The following TYW1B variants were observed in gnomAD, a reference collection of about 807,000 sequenced individuals.
TYW1B encodes S-adenosyl-L-methionine-dependent tRNA 4-demethylwyosine synthase TYW1B.
TYW1B carries 73 observed loss-of-function variants against 86.9 expected under a neutral mutation model. That is an observed-to-expected ratio of 0.84 (90% confidence interval 0.70 to 1.02). The LOEUF is 1.02. Ranked by LOEUF, TYW1B falls within the 50% of genes least tolerant of loss-of-function variation. The pLI is 0.00. For missense variants in TYW1B, 637 were observed against 827.4 expected (o/e 0.77, Z 2.82); for synonymous variants, 248 against 292.8 (o/e 0.85, Z 1.56).
chr7:72,686,805 T>C (rs1259419751), intron 11 of TYW1B, among the ~76,000 whole-genome samples: 3 of 152,092 alleles, frequency 2.0e-5, no homozygotes, highest in Non-Finnish European at 4.4e-5. Flanking sequence ...ATGCATGGAA[T>C]AGGGGGGATA....
At chr7:72,810,916 C>T (rs1788598732) in intron 3 of TYW1B, among the ~76,000 whole-genome samples, 1 of 152,008 alleles carries the variant, frequency 6.6e-6, no homozygotes, top group South Asian at 2.1e-4. Flanking sequence ...ATTCCATTAT[C>T]CAGACTATAC....
At chr7:72,649,760 G>T (rs1481345451) in intron 11 of TYW1B, among the ~76,000 whole-genome samples, 1 of 152,178 alleles carries the variant, frequency 6.6e-6, no homozygotes, top group African/African-American at 2.4e-5. Context: ...AAGCCCTAGA[G>T]CAGGTCTATT....
At chr7:72,727,002 A>C (rs1172288485) in intron 9 of TYW1B, among the ~76,000 whole-genome samples, 1 of 152,174 alleles carries the variant, frequency 6.6e-6, no homozygotes, top group Non-Finnish European at 1.5e-5. Flanking sequence ...CACTATCACG[A>C]GAACACCATG....
At chr7:72,606,614 C>A (rs1378144897) in intron 13 of TYW1B, among the ~76,000 whole-genome samples, 8 of 61,860 alleles carry the variant, frequency 1.3e-4, no homozygotes, top group Non-Finnish European at 2.1e-4. Context: ...AAGGCCCCCC[C>A]CCCGCCTCCA....
chr7:72,580,613 A>T (rs549183971), intron 13 of TYW1B, among the ~76,000 whole-genome samples: 8 of 152,176 alleles, frequency 5.3e-5, no homozygotes, highest in Non-Finnish European at 8.8e-5. Flanking sequence ...AAACTGCTGT[A>T]CAAAGGGGCC....
At chr7:72,801,068 T>G (rs1159754926) in intron 6 of TYW1B, among the ~76,000 whole-genome samples, 1 of 152,044 alleles carries the variant, frequency 6.6e-6, no homozygotes, top group Admixed American at 6.6e-5. Flanking sequence ...GTAACTCATG[T>G]GTGTAATCCC....
chr7:72,825,643 A>G (rs1788917070), intron 2 of TYW1B, among the ~76,000 whole-genome samples: 1 of 152,168 alleles, frequency 6.6e-6, no homozygotes, highest in African/African-American at 2.4e-5. Flanking sequence ...GTGCCACTGC[A>G]CTCCAGCCTG....
intron 12 of TYW1B, among the ~76,000 whole-genome samples, chr7:72,625,925 A>G (rs1812338364): frequency 6.7e-6 from 1 of 149,212 alleles, no homozygotes; most frequent in Non-Finnish European, 1.5e-5. Context: ...GAAGGAAATG[A>G]AAAAAGGGGA....
rs114847443 is a variant in TYW1B, at chr7:72,658,186, A to G, written c.1507-29189T>C. ...GAATGGTGTGAACCCACGAGGTGGAACTTGCAGTAAGCTGAGATCGCGCCA... is the reference window on the plus strand; with the variant it reads ...GAATGGTGTGAACCCACGAGGTGGAGCTTGCAGTAAGCTGAGATCGCGCCA... On this transcript the variant is annotated intron_variant, in intron 11 of 13. Transcript: ENST00000620995. 4.1e-3 allele frequency among the ~76,000 whole-genome samples: 622 copies of G among 152,266 alleles called. 5 individuals are homozygous for G. Among genetic ancestry groups the G allele is most frequent in the African/African-American group, 0.014 (591 of 41,564 alleles).
At chr7:72,660,395 A>C (rs1211441796) in intron 11 of TYW1B, among the ~76,000 whole-genome samples, 14 of 152,124 alleles carry the variant, frequency 9.2e-5, no homozygotes, top group African/African-American at 3.4e-4. Flanking sequence ...ACAAACAAAC[A>C]AACAAAAAAA....
chr7:72,733,182 A>G (rs1201324506), intron 8 of TYW1B, among the ~76,000 whole-genome samples: 3 of 151,768 alleles, frequency 2.0e-5, no homozygotes, highest in Middle Eastern at 3.4e-3. Context: ...ACACACACAC[A>G]CACACACACA....
At chr7:72,605,612 A>G (rs1289053339) in intron 13 of TYW1B, among the ~76,000 whole-genome samples, 2 of 152,108 alleles carry the variant, frequency 1.3e-5, no homozygotes, top group Non-Finnish European at 2.9e-5. Context: ...TCGGCCTCCC[A>G]AAGTGCTGGG....
chr7:72,577,735 C>T (rs1169016629), intron 13 of TYW1B, among the ~76,000 whole-genome samples: 2 of 152,144 alleles, frequency 1.3e-5, no homozygotes, highest in Non-Finnish European at 1.5e-5. Context: ...GAGACTGTGC[C>T]GACAGCAGAA....
chr7:72,720,465 AAAAC>A (rs201309486), intron 9 of TYW1B, among the ~76,000 whole-genome samples: 2,037 of 152,278 alleles, frequency 0.013, 59 homozygotes, highest in African/African-American at 0.046. Flanking sequence ...GACAATCACA[AAAAC>A]AAACAAAATA....
chr7:72,689,530 C>T (rs1554450001), intron 11 of TYW1B, among the ~76,000 whole-genome samples: 1 of 152,110 alleles, frequency 6.6e-6, no homozygotes, highest in Non-Finnish European at 1.5e-5. Context: ...GATGCTGGGA[C>T]ATCACACACT....
At chr7:72,757,038 T>C (rs1436652549) in intron 7 of TYW1B, among the ~76,000 whole-genome samples, 6 of 151,734 alleles carry the variant, frequency 4.0e-5, no homozygotes, top group Admixed American at 2.0e-4. Flanking sequence ...AGGTAGGAAA[T>C]GAATAAAAAC....
chr7:72,676,552 G>A lies in TYW1B; in HGVS notation c.1506+18135C>T, dbSNP rs373924763. The stretch of plus-strand genomic sequence containing the variant: ...TGGGGCTGCCATACCTGGGCAGGGT[G>A]GATTTGCTGGCCAGGTGCTGGAAGA... On this transcript the variant is annotated intron_variant, in intron 11 of 13. Transcript: ENST00000620995. Among the ~76,000 whole-genome samples the A allele has an allele frequency of 3.9e-5, 6 of 152,288 alleles. No individual in the cohort carries two copies. The East Asian group carries it at 1.2e-3, about 29-fold the overall frequency.
chr7:72,668,255 TTATACAC>T (rs1351294855), intron 11 of TYW1B, among the ~76,000 whole-genome samples: 1 of 152,242 alleles, frequency 6.6e-6, no homozygotes, highest in Non-Finnish European at 1.5e-5. Flanking sequence ...GACTCAATAC[TTATACAC>T]TATTATAGAT....
intron 11 of TYW1B, among the ~76,000 whole-genome samples, chr7:72,640,849 C>T (rs1283483023): frequency 1.3e-5 from 2 of 152,062 alleles, no homozygotes; most frequent in African/African-American, 4.8e-5. Context: ...ACATGATTAA[C>T]TTAACTCTCC....
Sources: gnomAD v4.1 joint callset for allele counts (sites outside exome capture counted in the v4.1 genomes callset) on GRCh38, gnomAD v4.1.1 for gene constraint, MANE v1.5 for transcripts, NCBI Gene and HGNC (gene_info 2026-07-23, HGNC 2026-07-21) for gene names.